Variants in SLC24A2 observed in about 807,000 individuals in gnomAD.
SLC24A2 encodes the protein solute carrier family 24 member 2, also known as sodium/potassium/calcium exchanger 2.
Under a neutral mutation model 62.0 loss-of-function variants are expected in SLC24A2, and 36 were observed. The ratio of observed to expected loss-of-function variants is 0.58; its 90% CI spans 0.44 to 0.77. The LOEUF (loss-of-function observed/expected upper bound fraction) is 0.77. Ranked by LOEUF, SLC24A2 falls within the 30% of genes least tolerant of loss-of-function variation. The pLI is 0.00. For missense variants in SLC24A2, 846 were observed against 817.9 expected (o/e 1.03, Z -0.42); for synonymous variants, 358 against 294.0 (o/e 1.22, Z -2.23).
the SLC24A2 span, among the ~76,000 whole-genome samples, chr9:19,992,432 G>T: frequency 6.6e-6 from 1 of 152,274 alleles, no homozygotes; most frequent in African/African-American, 2.4e-5. Flanking sequence ...ATGCAATGTG[G>T]ATGAGAACTA....
chr9:19,872,093 G>A, the SLC24A2 span, among the ~76,000 whole-genome samples: 8 of 152,248 alleles, frequency 5.3e-5, no homozygotes, highest in East Asian at 1.5e-3. Context: ...TAGGAGTCAG[G>A]TCCAATTGTG....
chr9:19,604,795 TA>T (rs1052608321), intron 4 of SLC24A2, among the ~76,000 whole-genome samples: 1 of 152,174 alleles, frequency 6.6e-6, no homozygotes. Flanking sequence ...TAATTCAAGG[TA>T]AAAATCCTCC....
At chr9:19,749,343 G>T (rs911422010) in intron 2 of SLC24A2, among the ~76,000 whole-genome samples, 2 of 151,924 alleles carry the variant, frequency 1.3e-5, no homozygotes, top group African/African-American at 4.8e-5. Context: ...TATTTGGTTG[G>T]ATGTCCATTT....
At chr9:20,113,976 A>T in the SLC24A2 span, among the ~76,000 whole-genome samples, 39 of 152,302 alleles carry the variant, frequency 2.6e-4, no homozygotes, top group South Asian at 2.3e-3. Context: ...GAACCCTATG[A>T]TTGCCCCCAC....
At chr9:20,217,160 A>G in the SLC24A2 span, among the ~76,000 whole-genome samples, 1 of 152,198 alleles carries the variant, frequency 6.6e-6, no homozygotes, top group Non-Finnish European at 1.5e-5. Context: ...CTGTACCTAC[A>G]CTCAACATAT....
chr9:19,794,167 T>A, the SLC24A2 span, among the ~76,000 whole-genome samples: 1 of 152,206 alleles, frequency 6.6e-6, no homozygotes, highest in Non-Finnish European at 1.5e-5. Flanking sequence ...CTTCTTTTCT[T>A]ATTCACTTAC....
intron 7 of SLC24A2, among the ~76,000 whole-genome samples, chr9:19,552,256 G>GC (rs1834882047): frequency 6.6e-6 from 1 of 152,196 alleles, no homozygotes; most frequent in Admixed American, 6.5e-5. Flanking sequence ...TATAGCAGGT[G>GC]TAGAGAATAT....
the SLC24A2 span, among the ~76,000 whole-genome samples, chr9:20,258,493 G>A: frequency 6.6e-6 from 1 of 152,114 alleles, no homozygotes; most frequent in Non-Finnish European, 1.5e-5. Context: ...GGAACAAAAC[G>A]CTATAAGAAG....
the SLC24A2 span, among the ~76,000 whole-genome samples, chr9:20,214,854 G>A: frequency 4.6e-5 from 7 of 152,090 alleles, no homozygotes; most frequent in Admixed American, 3.9e-4. Context: ...ACTGATTGAA[G>A]CAATGAGAAC....
At chr9:19,910,420 C>G in the SLC24A2 span, among the ~76,000 whole-genome samples, 1 of 152,132 alleles carries the variant, frequency 6.6e-6, no homozygotes, top group Non-Finnish European at 1.5e-5. Flanking sequence ...CTAGTTTTAG[C>G]TCCATTAAAT....
intron 5 of SLC24A2, among the ~76,000 whole-genome samples, chr9:19,581,430 C>T (rs1836206608): frequency 6.6e-6 from 1 of 152,094 alleles, no homozygotes. Flanking sequence ...TCATGAAGCA[C>T]CAGGTTCTTA....
chr9:20,108,055 T>G, the SLC24A2 span, among the ~76,000 whole-genome samples: 1 of 152,038 alleles, frequency 6.6e-6, no homozygotes, highest in Non-Finnish European at 1.5e-5. Context: ...AACAGACACT[T>G]CACAAAAGAA....
chr9:20,305,344 G>A, the SLC24A2 span, among the ~76,000 whole-genome samples: 1 of 151,978 alleles, frequency 6.6e-6, no homozygotes, highest in South Asian at 2.1e-4. Context: ...CTGACCTCAT[G>A]ATCGACCCCC....
rs1832706691 is a variant in SLC24A2, at chr9:19,511,299, G to C, written c.*4854C>G. On this transcript the variant is annotated 3_prime_UTR_variant, in exon 11 of 11. Transcript: ENST00000341998. ...AAAATGAAACGCAAAGACAGAGGCA[G>C]AGGCAGAGTCAGGGAGCTAACAGTA... 6.6e-6 allele frequency: 1 copy of C among 152,152 alleles called. No homozygotes were observed. Among genetic ancestry groups the C allele is most frequent in the Admixed American group, 6.5e-5 (1 of 15,276 alleles). The allele number at this position is 152,152 out of a possible 1,614,324, so 9.4% of individuals were successfully genotyped here.
chr9:20,215,207 T>A, the SLC24A2 span, among the ~76,000 whole-genome samples: 1 of 152,212 alleles, frequency 6.6e-6, no homozygotes, highest in African/African-American at 2.4e-5. Context: ...CTCTTGGGTC[T>A]CTTTTATAAG....
chr9:19,563,254 C>G (rs997940189), intron 7 of SLC24A2, among the ~76,000 whole-genome samples: 1 of 152,082 alleles, frequency 6.6e-6, no homozygotes, highest in Admixed American at 6.5e-5. Context: ...TCACCAATGC[C>G]TCTACTTCTT....
chr9:20,047,623 C>T, the SLC24A2 span, among the ~76,000 whole-genome samples: 2 of 140,662 alleles, frequency 1.4e-5, no homozygotes, highest in African/African-American at 5.2e-5. Flanking sequence ...TTCACTGTGT[C>T]TGGTGACAGC....
intron 2 of SLC24A2, among the ~76,000 whole-genome samples, chr9:19,667,613 C>A (rs139399431): frequency 3.2e-4 from 48 of 152,234 alleles, no homozygotes; most frequent in African/African-American, 1.1e-3. Flanking sequence ...TCCATGGGAG[C>A]TTTCTAAATT....
rs565269317 is a variant in SLC24A2 at position 19,559,833 on chromosome 9, A to G, written c.1348-9565T>C. On this transcript the variant is annotated intron_variant, in intron 7 of 10. Transcript: ENST00000341998. ...CTAAACATATTGCCTAATTAGTGGG[A>G]TCAGCATACTAATGACCTTCCTTAT... 2.0e-4 allele frequency among the ~76,000 whole-genome samples: 30 copies of G among 152,332 alleles called. 1 individual carries two copies. Among genetic ancestry groups the G allele is most frequent in the African/African-American group, 3.1e-4 (13 of 41,580 alleles).
Sources: gnomAD v4.1 joint callset for allele counts (sites outside exome capture counted in the v4.1 genomes callset) on GRCh38, gnomAD v4.1.1 for gene constraint, MANE v1.5 for transcripts, NCBI Gene and HGNC (gene_info 2026-07-23, HGNC 2026-07-21) for gene names.